CSNK2A2IP: variants seen among roughly 807,000 people sequenced by gnomAD.
CSNK2A2IP encodes the protein casein kinase 2 subunit alpha' interacting protein, also known as casein kinase II subunit alpha'-interacting protein.
the CSNK2A2IP span, among the ~76,000 whole-genome samples, chr3:88,357,546 G>T: frequency 6.6e-6 from 1 of 152,114 alleles, no homozygotes; most frequent in African/African-American, 2.4e-5. Flanking sequence ...GCTCAAGATT[G>T]CTTTGACTAT....
chr3:88,345,091 G>A, the CSNK2A2IP span, among the ~76,000 whole-genome samples: 4 of 151,850 alleles, frequency 2.6e-5, no homozygotes, highest in East Asian at 7.7e-4. Context: ...GATTATATGA[G>A]CATCTGCTCT....
At chr3:88,393,034 T>C in the CSNK2A2IP span, among the ~76,000 whole-genome samples, 1 of 152,090 alleles carries the variant, frequency 6.6e-6, no homozygotes, top group African/African-American at 2.4e-5. Context: ...ATTTTGCCCT[T>C]TGTATCAGGA....
chr3:88,363,875 C>T, the CSNK2A2IP span, among the ~76,000 whole-genome samples: 1 of 152,162 alleles, frequency 6.6e-6, no homozygotes, highest in Non-Finnish European at 1.5e-5. Flanking sequence ...AGGCATGCTT[C>T]CTAACCCTGT....
the CSNK2A2IP span, among the ~76,000 whole-genome samples, chr3:88,400,972 G>A: frequency 1.3e-5 from 2 of 152,182 alleles, no homozygotes; most frequent in African/African-American, 4.8e-5. Context: ...GATGTAGGGT[G>A]TGTGTAGAAG....
the CSNK2A2IP span, among the ~76,000 whole-genome samples, chr3:88,435,687 A>G: frequency 9.2e-5 from 14 of 152,262 alleles, no homozygotes; most frequent in African/African-American, 3.1e-4. Flanking sequence ...AATGGCACGT[A>G]GAGTACAACA....
chr3:88,464,999 TG>T, the CSNK2A2IP span: 1 of 166,486 alleles, frequency 6.0e-6, no homozygotes, highest in South Asian at 2.0e-4. Context: ...ACATAACACC[TG>T]TGCTGTAGTC....
the CSNK2A2IP span, among the ~76,000 whole-genome samples, chr3:88,344,488 C>G: frequency 1.3e-5 from 2 of 151,992 alleles, no homozygotes; most frequent in South Asian, 2.1e-4. Flanking sequence ...TTTAGAAGAA[C>G]TGAGCCCCAG....
At chr3:88,379,805 G>C in the CSNK2A2IP span, among the ~76,000 whole-genome samples, 1 of 152,168 alleles carries the variant, frequency 6.6e-6, no homozygotes, top group South Asian at 2.1e-4. Context: ...TCAGCATTTA[G>C]TTGCACTTGT....
the CSNK2A2IP span, among the ~76,000 whole-genome samples, chr3:88,390,134 G>T: frequency 1.3e-5 from 2 of 152,068 alleles, no homozygotes; most frequent in Non-Finnish European, 2.9e-5. Context: ...GAGGAGGGTG[G>T]TTTGTGTCTG....
At chr3:88,346,391 T>C in the CSNK2A2IP span, among the ~76,000 whole-genome samples, 2 of 151,986 alleles carry the variant, frequency 1.3e-5, no homozygotes, top group Non-Finnish European at 2.9e-5. Context: ...CATCCAGGGC[T>C]TTCATATCTA....
the CSNK2A2IP span, among the ~76,000 whole-genome samples, chr3:88,382,298 C>A: frequency 0.019 from 2,850 of 152,214 alleles, 80 homozygotes; most frequent in African/African-American, 0.063. Context: ...AAATGAAGGG[C>A]AGATAGTCCC....
the CSNK2A2IP span, among the ~76,000 whole-genome samples, chr3:88,423,005 G>T: frequency 1.3e-5 from 2 of 152,108 alleles, no homozygotes; most frequent in South Asian, 4.1e-4. Context: ...TATTTAAATT[G>T]TCATCCTCCT....
chr3:88,438,864 T>C, the CSNK2A2IP span, among the ~76,000 whole-genome samples: 1 of 152,142 alleles, frequency 6.6e-6, no homozygotes, highest in African/African-American at 2.4e-5. Flanking sequence ...AACCTTATGA[T>C]GGGTGGGGAA....
chr3:88,354,945 G>C, the CSNK2A2IP span, among the ~76,000 whole-genome samples: 2 of 152,130 alleles, frequency 1.3e-5, no homozygotes, highest in Admixed American at 6.5e-5. Context: ...ATAAAGCAAA[G>C]TGTTCTTGGG....
At chr3:88,459,667 C>T in the CSNK2A2IP span, among the ~76,000 whole-genome samples, 1 of 151,984 alleles carries the variant, frequency 6.6e-6, no homozygotes, top group South Asian at 2.1e-4. Context: ...CATTTAACTA[C>T]CATGTGAATA....
chr3:88,340,976 A>C, the CSNK2A2IP span, among the ~76,000 whole-genome samples: 3 of 151,892 alleles, frequency 2.0e-5, no homozygotes, highest in Non-Finnish European at 4.4e-5. Flanking sequence ...TTTTATGTCA[A>C]ATTTTGTTAG....
chr3:88,424,742 A>T, the CSNK2A2IP span, among the ~76,000 whole-genome samples: 1 of 152,168 alleles, frequency 6.6e-6, no homozygotes, highest in African/African-American at 2.4e-5. Flanking sequence ...GTCTGTGAAA[A>T]AGTAATGTCT....
At chr3:88,406,160 G>C in the CSNK2A2IP span, among the ~76,000 whole-genome samples, 84 of 152,104 alleles carry the variant, frequency 5.5e-4, no homozygotes, top group Admixed American at 2.1e-3. Context: ...ATGATTTCAA[G>C]ATATAAAAAT....
the CSNK2A2IP span, among the ~76,000 whole-genome samples, chr3:88,438,267 CTTTAAAGT>C: frequency 6.6e-6 from 1 of 152,086 alleles, no homozygotes; most frequent in South Asian, 2.1e-4. Flanking sequence ...AAAGATAATA[CTTTAAAGT>C]ATGGTGGTTT....
Sources: allele counts gnomAD v4.1 joint callset (sites outside exome capture counted in the v4.1 genomes callset), GRCh38; gene constraint gnomAD v4.1.1; transcripts MANE v1.5; gene names NCBI Gene and HGNC (gene_info 2026-07-23, HGNC 2026-07-21).